Variants in CLVS1 observed in about 807,000 individuals in gnomAD.
CLVS1 encodes clavesin-1.
A neutral mutation model predicts 33.1 loss-of-function variants in CLVS1; 10 were observed. The observed-to-expected ratio is 0.30, with a 90% confidence interval of 0.19 to 0.51. CLVS1 has a LOEUF of 0.51. Ranked by LOEUF, CLVS1 falls within the 20% of genes least tolerant of loss-of-function variation. The probability of loss-of-function intolerance (pLI) is 0.97; values close to 1 mark genes in which losing one functional copy is unlikely to be tolerated. For missense variants in CLVS1, 343 were observed against 433.4 expected, an observed-to-expected ratio of 0.79 and a Z score of 1.85; for synonymous variants, 163 against 166.1, an observed-to-expected ratio of 0.98 and a Z score of 0.14.
chr8:61,413,282 A>G (rs1202187466), intron 3 of CLVS1, among the ~76,000 whole-genome samples: 4 of 152,338 alleles, frequency 2.6e-5, no homozygotes, highest in Non-Finnish European at 5.9e-5. Flanking sequence ...AGAATATATT[A>G]TATTCCATTA....
At chr8:61,053,811 G>A (rs1459480764), upstream of CLVS1, among the ~76,000 whole-genome samples, 2 of 152,164 alleles carry the variant, frequency 1.3e-5, no homozygotes, top group African/African-American at 4.8e-5. Context: ...CCTTTCTCTG[G>A]AGTTGCTAAG....
chr8:61,148,512 G>T (rs1402844990), intron 2 of CLVS1, among the ~76,000 whole-genome samples: 2 of 152,168 alleles, frequency 1.3e-5, no homozygotes, highest in African/African-American at 2.4e-5. Flanking sequence ...TCGTGATGAG[G>T]TTTTGCGGTA....
At chr8:60,992,939 C>T in the CLVS1 span, among the ~76,000 whole-genome samples, 4 of 152,110 alleles carry the variant, frequency 2.6e-5, no homozygotes, top group South Asian at 2.1e-4. Flanking sequence ...GTGGAGGAGC[C>T]CTGTCAGGGC....
chr8:61,294,218 C>A (rs1192249724), intron 1 of CLVS1, among the ~76,000 whole-genome samples: 1 of 152,084 alleles, frequency 6.6e-6, no homozygotes, highest in Non-Finnish European at 1.5e-5. Context: ...ACTTGGAGAG[C>A]AGAGTCTTGG....
chr8:61,324,139 A>G (rs1811293084), intron 2 of CLVS1, among the ~76,000 whole-genome samples: 1 of 152,124 alleles, frequency 6.6e-6, no homozygotes, highest in East Asian at 1.9e-4. Context: ...AATGATTTAT[A>G]TTCCTTTGGG....
chr8:61,484,409 G>A (rs7462384), intron 5 of CLVS1, among the ~76,000 whole-genome samples: 85,601 of 151,534 alleles, frequency 0.56, 27,693 homozygotes, highest in Non-Finnish European at 0.72. Flanking sequence ...CTTATTCAAG[G>A]AGAACTACAA....
At chr8:61,443,299 A>C (rs1249793375) in intron 3 of CLVS1, among the ~76,000 whole-genome samples, 5 of 152,244 alleles carry the variant, frequency 3.3e-5, no homozygotes, top group Admixed American at 6.5e-5. Flanking sequence ...CAAGTCTAAG[A>C]ACCTCTTGCC....
At chr8:61,204,844 T>TC (rs1807807244) in intron 2 of CLVS1, among the ~76,000 whole-genome samples, 1 of 152,080 alleles carries the variant, frequency 6.6e-6, no homozygotes, top group African/African-American at 2.4e-5. Context: ...CCATACCCAT[T>TC]CCCCCACCAA....
intron 2 of CLVS1, among the ~76,000 whole-genome samples, chr8:61,259,992 G>C (rs1031913978): frequency 6.6e-6 from 1 of 152,164 alleles, no homozygotes; most frequent in Non-Finnish European, 1.5e-5. Flanking sequence ...CCCGCTGATT[G>C]CTCCCTTCAC....
At chr8:61,220,733 C>T (rs879166223) in intron 2 of CLVS1, among the ~76,000 whole-genome samples, 1 of 151,864 alleles carries the variant, frequency 6.6e-6, no homozygotes, top group Non-Finnish European at 1.5e-5. Flanking sequence ...AGAATTGGAT[C>T]TGTAAATTGC....
At chr8:61,499,339 T>TTAA in intron 5 of CLVS1, 116 bp from the exon 6 acceptor site, 5 of 670,944 alleles carry the variant, frequency 7.5e-6, no homozygotes, top group Non-Finnish European at 1.3e-5. Flanking sequence ...CTGCACCCAG[T>TTAA]TAATTTTTGA....
chr8:61,455,609 T>C (rs536657614), intron 4 of CLVS1, among the ~76,000 whole-genome samples: 1 of 152,324 alleles, frequency 6.6e-6, no homozygotes, highest in African/African-American at 2.4e-5. Flanking sequence ...GACACTTAGG[T>C]TGTATCCATA....
chr8:61,067,826 G>T (rs967863147), intron 1 of CLVS1, among the ~76,000 whole-genome samples: 3 of 152,014 alleles, frequency 2.0e-5, no homozygotes, highest in Admixed American at 2.0e-4. Context: ...CTACTAGAAG[G>T]GGGAGGGAAA....
chr8:61,336,891 A>G (rs1443292999), intron 2 of CLVS1, among the ~76,000 whole-genome samples: 1 of 152,202 alleles, frequency 6.6e-6, no homozygotes, highest in African/African-American at 2.4e-5. Flanking sequence ...CAAACAAACA[A>G]AAAAATAAAA....
At chr8:61,283,770 C>T (rs779434872), upstream of CLVS1, among the ~76,000 whole-genome samples, 1 of 152,158 alleles carries the variant, frequency 6.6e-6, no homozygotes, top group Non-Finnish European at 1.5e-5. Flanking sequence ...TATTGAAGCA[C>T]AGCCTATCAT....
chr8:60,995,222 G>T, the CLVS1 span, among the ~76,000 whole-genome samples: 7 of 152,002 alleles, frequency 4.6e-5, no homozygotes, highest in Admixed American at 6.6e-5. Context: ...GAGTGAACAG[G>T]CAACCTACAA....
chr8:61,306,375 G>A (rs994122997), intron 2 of CLVS1, among the ~76,000 whole-genome samples: 1 of 152,048 alleles, frequency 6.6e-6, no homozygotes, highest in Non-Finnish European at 1.5e-5. Context: ...CCACTTTTCT[G>A]TGGGGTTGTT....
intron 3 of CLVS1, among the ~76,000 whole-genome samples, chr8:61,395,896 A>T (rs948167402): frequency 6.6e-6 from 1 of 152,092 alleles, no homozygotes; most frequent in Admixed American, 6.6e-5. Flanking sequence ...AGATATTTTG[A>T]CTCTCAACCT....
At chr8:61,099,625 C>T (rs1198416531) in intron 1 of CLVS1, among the ~76,000 whole-genome samples, 1 of 152,056 alleles carries the variant, frequency 6.6e-6, no homozygotes, top group Non-Finnish European at 1.5e-5. Context: ...AAAAGTATCT[C>T]TGAAAGACTA....
Sources: gnomAD v4.1 joint callset for allele counts (sites outside exome capture counted in the v4.1 genomes callset) on GRCh38, gnomAD v4.1.1 for gene constraint, MANE v1.5 for transcripts, NCBI Gene and HGNC (gene_info 2026-07-23, HGNC 2026-07-21) for gene names.